Variants in PTPN13 observed in about 807,000 individuals in gnomAD.
PTPN13 encodes the protein protein tyrosine phosphatase non-receptor type 13.
In PTPN13, 191 loss-of-function variants were observed where a neutral mutation model predicts 284.0. The observed-to-expected ratio is 0.67, with a 90% CI of 0.60 to 0.76. The LOEUF is 0.76. Among genes scored for constraint, PTPN13 ranks in the 30% least tolerant of loss-of-function variants. The pLI, the probability that PTPN13 is intolerant of heterozygous loss-of-function variation, is 0.00. For missense variants in PTPN13, 2,797 were observed against 2,939.9 expected (o/e 0.95, Z 1.12); for synonymous variants, 986 against 1,022.3 (o/e 0.96, Z 0.68).
At chr4:86,708,199 G>T (rs762376314) in intron 7 of PTPN13, among the ~76,000 whole-genome samples, 4 of 152,154 alleles carry the variant, frequency 2.6e-5, no homozygotes, top group Non-Finnish European at 5.9e-5. Flanking sequence ...CATGTGGCTA[G>T]TAGTCACCAT....
At chr4:86,631,952 T>C (rs1722515844) in intron 1 of PTPN13, among the ~76,000 whole-genome samples, 2 of 152,174 alleles carry the variant, frequency 1.3e-5, no homozygotes. Context: ...TAAATATATG[T>C]GTGTATGTAT....
rs377404985 is a variant in PTPN13, at chr4:86,763,068, A to G, written c.3895A>G (p.Ser1299Gly). ...KATEKETFTDSNQSKTKKPGI... is the reference protein window; with the variant it reads ...KATEKETFTDGNQSKTKKPGI... ...CACCGAGAAAGAGACTTTCACTGAT[A>G]GTAACCAAAGCAAAACTAAAAAGCC... is the stretch of plus-strand genomic sequence containing the variant. The change falls in exon 24 of 48, where the codon AGT becomes GGT. Residue 1299 changes from serine (S) to glycine (G), a missense_variant. Transcript: ENST00000411767. 5 of 1,613,814 alleles carry G rather than the reference A, an allele frequency of 3.1e-6. No homozygotes were observed. In the African/African-American group the frequency reaches 6.7e-5, roughly 22 times the overall value.
chr4:86,744,852 G>A (rs1034864288), intron 16 of PTPN13, 114 bp from the exon 17 acceptor site: 5 of 789,414 alleles, frequency 6.3e-6, no homozygotes, highest in Non-Finnish European at 9.9e-6. Context: ...AGTGATGCAT[G>A]ACTATATAGG....
chr4:86,769,738 A>T, intron 28 of PTPN13, 31 bp from the exon 29 acceptor site: 2 of 1,388,278 alleles, frequency 1.4e-6, no homozygotes, highest in Non-Finnish European at 2.0e-6. Context: ...TGTTAATAAT[A>T]TCTAAATTTT....
rs754944934 is a variant in PTPN13 at position 86,803,780 on chromosome 4, A to C, written c.6577A>C (p.Thr2193Pro). Reference sequence around the variant, plus strand: ...CAAAGTGCTTCCCTCTGGTAAATACACGGGTGCCAACTTAAAATCAGTCAT... The same window carrying C: ...CAAAGTGCTTCCCTCTGGTAAATACCCGGGTGCCAACTTAAAATCAGTCAT... ...VVKVLPSGKY[T>P]GANLKSVIRV... is the part of the protein sequence containing the mutation. Residue 2193 changes from threonine (T) to proline (P), a missense_variant, in exon 43 of 48, where the codon ACG becomes CCG. Transcript: ENST00000411767. The C allele has an allele frequency of 6.2e-7, 1 of 1,613,932 alleles. No homozygotes were observed.
Position 86,780,755 on chromosome 4 carries a change from A to G in PTPN13, c.5962+283A>G, listed in dbSNP as rs546489677. Among the ~76,000 whole-genome samples, 8 of 152,352 alleles carry G rather than the reference A, an allele frequency of 5.3e-5. No homozygotes were observed. In the South Asian group the frequency reaches 1.4e-3, roughly 28 times the overall value. ...CTGAAAAACTGGTTGTAATATATCC[A>G]AACAATGAAAAGCTACACAGCAATA... is the stretch of plus-strand genomic sequence containing the variant. On this transcript the variant is annotated intron_variant, in intron 36 of 47. Transcript: ENST00000411767.
At position 86,766,423 on chromosome 4, in the gene PTPN13, A is replaced by T; in HGVS notation, c.4244-9A>T. The T allele has an allele frequency of 6.3e-7, 1 of 1,597,592 alleles. No individual in the cohort carries two copies. Among genetic ancestry groups the T allele is most frequent in the Non-Finnish European group, 8.5e-7 (1 of 1,172,390 alleles). ...TTTTTATTTATGATTTGAACTGCCT[A>T]ATTTTTAGGTGATCGCGTCCTAGCT... On this transcript the variant is annotated splice_polypyrimidine_tract_variant and intron_variant, in intron 26 of 47. Transcript: ENST00000411767.
intron 4 of PTPN13, among the ~76,000 whole-genome samples, 152 bp downstream of exon 4, chr4:86,686,927 A>G (rs1426430402): frequency 6.6e-6 from 1 of 152,196 alleles, no homozygotes; most frequent in East Asian, 1.9e-4. Context: ...ATAATGTCAT[A>G]CTTTCAGGAT....
At chr4:86,606,446 A>G (rs904207032) in intron 1 of PTPN13, among the ~76,000 whole-genome samples, 1 of 151,872 alleles carries the variant, frequency 6.6e-6, no homozygotes, top group African/African-American at 2.4e-5. Flanking sequence ...ACTAGGATTC[A>G]TAATTTAAAA....
At chr4:86,598,992 C>G (rs1764065955) in intron 1 of PTPN13, among the ~76,000 whole-genome samples, 1 of 152,164 alleles carries the variant, frequency 6.6e-6, no homozygotes, top group Admixed American at 6.5e-5. Flanking sequence ...ACTCCCTGGC[C>G]TAAAGCAGTT....
chr4:86,708,188 A>C (rs1172734384), intron 7 of PTPN13, among the ~76,000 whole-genome samples: 4 of 152,194 alleles, frequency 2.6e-5, no homozygotes, highest in Admixed American at 1.3e-4. Flanking sequence ...TTACATAGTT[A>C]CATGTGGCTA....
chr4:86,773,021 A>C (rs909535323), intron 32 of PTPN13, 63 bp downstream of exon 32: 173 of 1,255,168 alleles, frequency 1.4e-4, no homozygotes, highest in Middle Eastern at 2.3e-4. Flanking sequence ...TGTGTTCATA[A>C]AGTTTCCCTT....
intron 16 of PTPN13, among the ~76,000 whole-genome samples, chr4:86,743,094 A>C (rs1027396781): frequency 3.3e-5 from 5 of 152,096 alleles, no homozygotes; most frequent in Non-Finnish European, 5.9e-5. Context: ...TGGAAAAGTT[A>C]CTATTTGGTC....
At chr4:86,748,912 C>T (rs1463398542) in intron 17 of PTPN13, among the ~76,000 whole-genome samples, 1 of 152,186 alleles carries the variant, frequency 6.6e-6, no homozygotes, top group African/African-American at 2.4e-5. Context: ...ACCTCAGCCT[C>T]CCAAAGTGCT....
chr4:86,784,367 T>C (rs1024904596), intron 37 of PTPN13, 98 bp from the exon 38 acceptor site: 14 of 747,276 alleles, frequency 1.9e-5, no homozygotes, highest in Admixed American at 1.3e-4. Context: ...AAATGGATCT[T>C]GTACTAAGAA....
In PTPN13 at chr4:86,780,394, C is replaced by A; in HGVS notation, c.5892-8C>A. On this transcript the variant is annotated splice_region_variant and splice_polypyrimidine_tract_variant and intron_variant, in intron 35 of 47. Coordinates refer to ENST00000411767, the MANE Select transcript of PTPN13 (RefSeq NM_080683.3). ...GACAATTTACAGTTGTCTTTTTTTA[C>A]AACACAGAAATGATCTTCCAGTGGT... 1 of 1,603,160 alleles carries A rather than the reference C, an allele frequency of 6.2e-7. No individual in the cohort carries two copies. Among genetic ancestry groups the A allele is most frequent in the Non-Finnish European group, 8.5e-7 (1 of 1,174,086 alleles).
intron 1 of PTPN13, among the ~76,000 whole-genome samples, chr4:86,618,521 A>G (rs1336106628): frequency 3.3e-5 from 5 of 152,168 alleles, no homozygotes; most frequent in South Asian, 4.1e-4. Context: ...CTTGGGCATT[A>G]TGGCCATTTT....
intron 37 of PTPN13, among the ~76,000 whole-genome samples, chr4:86,783,816 A>T (rs17012072): frequency 6.6e-6 from 1 of 151,988 alleles, no homozygotes; most frequent in Non-Finnish European, 1.5e-5. Flanking sequence ...TTCTTTTGAT[A>T]GGCTATGCTC....
chr4:86,632,786 A>G (rs942556318), intron 1 of PTPN13, among the ~76,000 whole-genome samples: 2 of 151,726 alleles, frequency 1.3e-5, no homozygotes, highest in South Asian at 2.1e-4. Flanking sequence ...TACTTCACAT[A>G]CAATAAAACT....
Sources: allele counts gnomAD v4.1 joint callset (sites outside exome capture counted in the v4.1 genomes callset), GRCh38; gene constraint gnomAD v4.1.1; transcripts MANE v1.5; gene names NCBI Gene and HGNC (gene_info 2026-07-23, HGNC 2026-07-21).